The following AGBL4 variants were observed in gnomAD, a reference collection of about 807,000 sequenced individuals.
AGBL4 encodes AGBL carboxypeptidase 4, also known as cytosolic carboxypeptidase 6.
A neutral mutation model predicts 66.4 loss-of-function variants in AGBL4; 58 were observed. That is an observed-to-expected ratio of 0.87 (90% CI 0.71 to 1.09). The LOEUF (loss-of-function observed/expected upper bound fraction) is 1.09. Ranked by LOEUF, AGBL4 falls within the 50% of genes least tolerant of loss-of-function variation. AGBL4 has a pLI of 0.00. For synonymous variants in AGBL4, 234 were observed against 222.9 expected, an observed-to-expected ratio of 1.05 and a Z score of -0.44; for missense variants, 579 against 631.0, an observed-to-expected ratio of 0.92 and a Z score of 0.88.
intron 4 of AGBL4, among the ~76,000 whole-genome samples, chr1:49,069,563 G>A (rs1252832331): frequency 6.6e-6 from 1 of 151,706 alleles, no homozygotes; most frequent in Non-Finnish European, 1.5e-5. Flanking sequence ...TTTTTTCTGA[G>A]GGCCTCTGTT....
At chr1:49,615,376 C>T (rs183042922) in intron 3 of AGBL4, among the ~76,000 whole-genome samples, 21 of 152,230 alleles carry the variant, frequency 1.4e-4, no homozygotes, top group African/African-American at 4.3e-4. Flanking sequence ...CTGGGAAATA[C>T]ATCTTAAATT....
intron 11 of AGBL4, among the ~76,000 whole-genome samples, chr1:48,540,797 C>G (rs1302647821): frequency 6.6e-6 from 1 of 152,076 alleles, no homozygotes; most frequent in Non-Finnish European, 1.5e-5. Context: ...TTCTTTCCAC[C>G]CCCCTAGAAT....
chr1:49,524,360 A>G (rs1320135191), intron 3 of AGBL4, among the ~76,000 whole-genome samples: 1 of 152,136 alleles, frequency 6.6e-6, no homozygotes, highest in Non-Finnish European at 1.5e-5. Context: ...ACACACAGCT[A>G]GCAGAGTCTG....
At chr1:49,900,448 T>C (rs906605225) in intron 1 of AGBL4, among the ~76,000 whole-genome samples, 2 of 151,980 alleles carry the variant, frequency 1.3e-5, no homozygotes, top group African/African-American at 4.8e-5. Flanking sequence ...TTTCTCCACG[T>C]TGGTCAGGCT....
intron 5 of AGBL4, among the ~76,000 whole-genome samples, chr1:49,008,285 A>G (rs1008540476): frequency 2.6e-5 from 4 of 152,104 alleles, no homozygotes; most frequent in African/African-American, 9.7e-5. Flanking sequence ...AAAGAAGGCC[A>G]CTACATAATG....
intron 2 of AGBL4, among the ~76,000 whole-genome samples, chr1:49,702,929 G>A (rs1647127748): frequency 6.6e-6 from 1 of 151,864 alleles, no homozygotes; most frequent in Non-Finnish European, 1.5e-5. Flanking sequence ...TGAACACAAG[G>A]GACCTTCCTC....
chr1:48,851,253 G>A (rs1647025066), intron 6 of AGBL4, among the ~76,000 whole-genome samples: 1 of 152,308 alleles, frequency 6.6e-6, no homozygotes, highest in Admixed American at 6.5e-5. Context: ...AAACCCAGTG[G>A]AGAGAAAGTG....
intron 3 of AGBL4, among the ~76,000 whole-genome samples, chr1:49,405,793 A>G (rs1051570007): frequency 6.6e-6 from 1 of 152,182 alleles, no homozygotes; most frequent in Non-Finnish European, 1.5e-5. Context: ...ACAGTAAAAA[A>G]CAAGATGTTT....
chr1:49,548,911 C>CT (rs1018582733), intron 3 of AGBL4, among the ~76,000 whole-genome samples: 1 of 151,916 alleles, frequency 6.6e-6, no homozygotes. Context: ...TGGTCTGGGA[C>CT]TTTTTTTGTT....
intron 1 of AGBL4, among the ~76,000 whole-genome samples, chr1:49,873,783 CT>C (rs1276529695): frequency 1.3e-5 from 2 of 152,010 alleles, no homozygotes; most frequent in East Asian, 3.9e-4. Flanking sequence ...ATGCTTATTT[CT>C]TCCAGGCGTG....
At chr1:49,858,409 A>C (rs568451427) in intron 1 of AGBL4, among the ~76,000 whole-genome samples, 11 of 152,302 alleles carry the variant, frequency 7.2e-5, no homozygotes, top group African/African-American at 2.2e-4. Context: ...AAACAAAATC[A>C]ATGATATATT....
chr1:49,877,599 A>G (rs1458970072), intron 1 of AGBL4, among the ~76,000 whole-genome samples: 1 of 152,030 alleles, frequency 6.6e-6, no homozygotes, highest in Non-Finnish European at 1.5e-5. Flanking sequence ...ATGTTCATCA[A>G]GGATATTGGT....
At chr1:48,653,543 T>C (rs373416806) in intron 7 of AGBL4, 92 bp from the exon 8 acceptor site, 23 of 951,180 alleles carry the variant, frequency 2.4e-5, no homozygotes, top group African/African-American at 1.3e-4. Context: ...AAGAGCTCAA[T>C]AGGTGATTTT....
chr1:49,893,192 G>C (rs1468581319), intron 1 of AGBL4, among the ~76,000 whole-genome samples: 3 of 152,092 alleles, frequency 2.0e-5, no homozygotes, highest in African/African-American at 7.2e-5. Flanking sequence ...ATATCTTTTA[G>C]TATAGCTGAG....
At chr1:49,020,596 G>T (rs1380654968) in intron 5 of AGBL4, among the ~76,000 whole-genome samples, 1 of 152,122 alleles carries the variant, frequency 6.6e-6, no homozygotes, top group African/African-American at 2.4e-5. Context: ...CATGGCAGGG[G>T]GTGTCCTGGA....
chr1:49,282,796 T>C (rs1031647034), intron 3 of AGBL4, among the ~76,000 whole-genome samples: 6 of 152,056 alleles, frequency 3.9e-5, no homozygotes, highest in Non-Finnish European at 8.8e-5. Flanking sequence ...CCCACCCGAA[T>C]ATTGCGCTTT....
chr1:49,770,925 T>C (rs1644039322), intron 2 of AGBL4, among the ~76,000 whole-genome samples: 1 of 152,126 alleles, frequency 6.6e-6, no homozygotes, highest in South Asian at 2.1e-4. Context: ...AATCTAACAT[T>C]TTGTTGATTC....
At chr1:48,617,087 G>A (rs563188167) in intron 9 of AGBL4, among the ~76,000 whole-genome samples, 1 of 152,166 alleles carries the variant, frequency 6.6e-6, no homozygotes. Flanking sequence ...AAAGGAGGGA[G>A]GGGGGAGCTG....
At chr1:49,949,370 CTTAA>C (rs993592507) in intron 1 of AGBL4, among the ~76,000 whole-genome samples, 18 of 151,726 alleles carry the variant, frequency 1.2e-4, no homozygotes, top group African/African-American at 4.1e-4. Context: ...AATAGCTGGA[CTTAA>C]TTAAAGAGCT....
Sources: allele counts gnomAD v4.1 joint callset (sites outside exome capture counted in the v4.1 genomes callset), GRCh38; gene constraint gnomAD v4.1.1; transcripts MANE v1.5; gene names NCBI Gene and HGNC (gene_info 2026-07-23, HGNC 2026-07-21).